Variants in CD300LF observed in about 807,000 individuals in gnomAD.
CD300LF encodes CD300 molecule like family member f.
CD300LF carries 27 observed loss-of-function variants against 32.2 expected under a neutral mutation model. The observed-to-expected ratio is 0.84, with a 90% CI of 0.62 to 1.15. The LOEUF (loss-of-function observed/expected upper bound fraction) is 1.15. Ranked by LOEUF, CD300LF falls within the 50% of genes most tolerant of loss-of-function variation. The pLI, the probability that CD300LF is intolerant of heterozygous loss-of-function variation, is 0.00. For missense variants in CD300LF, 348 were observed against 356.8 expected (o/e 0.98, Z 0.20); for synonymous variants, 139 against 143.2 (o/e 0.97, Z 0.21).
intron 3 of CD300LF, among the ~76,000 whole-genome samples, chr17:74,700,830 G>A (rs915319978): frequency 6.6e-6 from 1 of 152,040 alleles, no homozygotes; most frequent in Non-Finnish European, 1.5e-5. Context: ...CAATCCATAT[G>A]TTGAAGTCCC....
At chr17:74,701,224 CAGTCAATTAATT>C (rs1337238083) in intron 3 of CD300LF, among the ~76,000 whole-genome samples, 1 of 152,218 alleles carries the variant, frequency 6.6e-6, no homozygotes, top group African/African-American at 2.4e-5. Context: ...AGAAATTCAT[CAGTCAATTAATT>C]GTGTCAACCC....
intron 3 of CD300LF, among the ~76,000 whole-genome samples, chr17:74,702,397 T>C (rs535408664): frequency 6.6e-6 from 1 of 152,110 alleles, no homozygotes; most frequent in Non-Finnish European, 1.5e-5. Context: ...TTCTGTAAAA[T>C]GGGAACATTT....
At chr17:74,710,189 A>G (rs1405078325) in intron 1 of CD300LF, among the ~76,000 whole-genome samples, 1 of 151,002 alleles carries the variant, frequency 6.6e-6, no homozygotes, top group Non-Finnish European at 1.5e-5. Flanking sequence ...CGTAGCCAGG[A>G]TGGTCTCGAT....
intron 1 of CD300LF, among the ~76,000 whole-genome samples, chr17:74,710,615 T>G (rs1181485510): frequency 6.6e-6 from 1 of 151,834 alleles, no homozygotes; most frequent in East Asian, 1.9e-4. Context: ...TCCCAACACT[T>G]TGGGAGGCCA....
intron 5 of CD300LF, 57 bp from the exon 6 acceptor site, chr17:74,695,916 CT>C (rs2032422231): frequency 9.5e-6 from 15 of 1,575,720 alleles, no homozygotes; most frequent in East Asian, 6.8e-5. Flanking sequence ...ACACAGGTTC[CT>C]TTTCCACGGT....
At chr17:74,704,280 T>G (rs568945737) in intron 2 of CD300LF, 198 bp downstream of exon 2, 62 of 590,456 alleles carry the variant, frequency 1.1e-4, no homozygotes, top group African/African-American at 1.0e-3. Context: ...AATCCCGTCG[T>G]GGAGGGAGCC....
chr17:74,694,857 A>G lies in CD300LF; in HGVS notation c.*239T>C, dbSNP rs544445034. 9 of 417,272 alleles carry G rather than the reference A, an allele frequency of 2.2e-5. No homozygotes were observed. The highest frequency in any genetic ancestry group is 1.6e-4 in the African/African-American group (8 of 49,420). The allele number at this position is 417,272 out of a possible 1,614,324, so 25.8% of individuals were successfully genotyped here. Reference sequence around the variant, plus strand: ...ATCATTCCCATGAAAGCCCCAGAGCATATCCCTAGCCCCCTCCTCAACTAT... The same window carrying G: ...ATCATTCCCATGAAAGCCCCAGAGCGTATCCCTAGCCCCCTCCTCAACTAT... On this transcript the variant is annotated 3_prime_UTR_variant, in exon 7 of 7. Coordinates refer to ENST00000326165, the MANE Select transcript of CD300LF (RefSeq NM_139018.5).
intron 4 of CD300LF, among the ~76,000 whole-genome samples, chr17:74,697,537 G>T (rs2032615775): frequency 6.6e-6 from 1 of 152,200 alleles, no homozygotes; most frequent in South Asian, 2.1e-4. Context: ...CCTCTTCCCA[G>T]GCGAAAGATT....
intron 1 of CD300LF, among the ~76,000 whole-genome samples, 165 bp from the exon 2 acceptor site, chr17:74,704,981 G>T (rs1163643876): frequency 2.6e-5 from 4 of 152,066 alleles, no homozygotes; most frequent in Non-Finnish European, 5.9e-5. Flanking sequence ...CTTTCCACTG[G>T]GTCAAAGCCA....
chr17:74,703,651 G>A (rs1301179688), intron 2 of CD300LF, among the ~76,000 whole-genome samples: 2 of 152,158 alleles, frequency 1.3e-5, no homozygotes, highest in East Asian at 3.9e-4. Context: ...GTATTGTGAG[G>A]ACCCATTGAG....
intron 1 of CD300LF, among the ~76,000 whole-genome samples, chr17:74,707,333 C>G (rs368188829): frequency 1.3e-5 from 2 of 152,136 alleles, no homozygotes; most frequent in African/African-American, 2.4e-5. Context: ...GGAATCTGAC[C>G]AGATATTTCT....
intron 2 of CD300LF, among the ~76,000 whole-genome samples, chr17:74,703,671 G>C (rs951913211): frequency 6.6e-6 from 1 of 152,178 alleles, no homozygotes; most frequent in African/African-American, 2.4e-5. Context: ...GACAATGCAC[G>C]TTCAGCACTT....
Position 74,703,075 on chromosome 17 carries a change from T to C in CD300LF, c.406A>G (p.Ser136Gly). The change falls in exon 3 of 7, where the codon AGC (serine) becomes GGC (glycine). Residue 136 changes from serine (S) to glycine (G), a missense_variant. Transcript: ENST00000326165. ...TGGCCGGTCAGAGTTGGGGAGCTGCTAGTTTCTTCTTGGGTGACTGGTGCT... is the reference window on the plus strand; with the variant it reads ...TGGCCGGTCAGAGTTGGGGAGCTGCCAGTTTCTTCTTGGGTGACTGGTGCT... ...DPAPVTQEETSSSPTLTGHHL... is the reference protein window; with the variant it reads ...DPAPVTQEETGSSPTLTGHHL... 1 of 1,614,036 alleles carries C rather than the reference T, an allele frequency of 6.2e-7. No homozygotes were observed. Among genetic ancestry groups the C allele is most frequent in the South Asian group, 1.1e-5 (1 of 91,062 alleles).
chr17:74,711,885 T>TTTTTGTC (rs1567802165), intron 1 of CD300LF, among the ~76,000 whole-genome samples: 1 of 150,690 alleles, frequency 6.6e-6, no homozygotes, highest in Non-Finnish European at 1.5e-5. Context: ...TTTCTTTCTT[T>TTTTTGTC]TTTTTTCTTT....
At chr17:74,697,906 T>G (rs1219971318) in intron 4 of CD300LF, among the ~76,000 whole-genome samples, 6 of 152,200 alleles carry the variant, frequency 3.9e-5, no homozygotes, top group Admixed American at 2.6e-4. Flanking sequence ...GTGGGATCCA[T>G]GCAGTGTGTG....
chr17:74,699,785 A>G (rs1280265824), intron 3 of CD300LF, among the ~76,000 whole-genome samples: 2 of 152,148 alleles, frequency 1.3e-5, no homozygotes, highest in Non-Finnish European at 2.9e-5. Flanking sequence ...GTAGTGGATC[A>G]TTGCCACAGC....
At chr17:74,700,829 T>G (rs1337858267) in intron 3 of CD300LF, among the ~76,000 whole-genome samples, 1 of 151,730 alleles carries the variant, frequency 6.6e-6, no homozygotes, top group Non-Finnish European at 1.5e-5. Context: ...CCAATCCATA[T>G]GTTGAAGTCC....
chr17:74,696,944 G>GTTTGGTTTGC (rs1422635363), intron 4 of CD300LF, among the ~76,000 whole-genome samples: 1 of 151,984 alleles, frequency 6.6e-6, no homozygotes, highest in Admixed American at 6.6e-5. Context: ...GTTTGGTTTG[G>GTTTGGTTTGC]TTTGGTTTGG....
Position 74,696,144 on chromosome 17 carries a change from G to A in CD300LF, c.582+51C>T, listed in dbSNP as rs374390013. ...CTTCTGAGAGATGGAAAATGAGGAAGGGGAAAGAAGCTGCCTGGTCTCTCT... is the reference window on the plus strand; with the variant it reads ...CTTCTGAGAGATGGAAAATGAGGAAAGGGAAAGAAGCTGCCTGGTCTCTCT... On this transcript the variant is annotated intron_variant, in intron 5 of 6. Transcript: ENST00000326165. 4 of 1,572,426 alleles carry A rather than the reference G, an allele frequency of 2.5e-6. No homozygotes were observed. In the African/African-American group the frequency reaches 5.5e-5, roughly 22 times the overall value.
Sources: gnomAD v4.1 joint callset for allele counts (sites outside exome capture counted in the v4.1 genomes callset) on GRCh38, gnomAD v4.1.1 for gene constraint, MANE v1.5 for transcripts, NCBI Gene and HGNC (gene_info 2026-07-23, HGNC 2026-07-21) for gene names.